The following SCUBE1 variants were observed in gnomAD, a reference collection of about 807,000 sequenced individuals.
The protein encoded by SCUBE1 is signal peptide, CUB and EGF-like domain-containing protein 1.
Under a neutral mutation model 124.4 loss-of-function variants are expected in SCUBE1, and 59 were observed. That is an observed-to-expected ratio of 0.47 (90% CI 0.38 to 0.59). The LOEUF is 0.59. Among genes scored for constraint, SCUBE1 ranks in the 20% least tolerant of loss-of-function variants. SCUBE1 has a pLI of 0.00. For missense variants in SCUBE1, 1,150 were observed against 1,371.2 expected (o/e 0.84, Z 2.55); for synonymous variants, 545 against 550.9 (o/e 0.99, Z 0.15).
chr22:43,227,237 G>T, intron 10 of SCUBE1, 137 bp downstream of exon 10: 1 of 1,039,692 alleles, frequency 9.6e-7, no homozygotes, highest in Non-Finnish European at 1.4e-6. Flanking sequence ...CAACAGCAGA[G>T]AACCTCTGCC....
At chr22:43,278,865 C>T (rs1250038803) in intron 4 of SCUBE1, among the ~76,000 whole-genome samples, 1 of 152,196 alleles carries the variant, frequency 6.6e-6, no homozygotes, top group African/African-American at 2.4e-5. Flanking sequence ...CACAGCAAAG[C>T]TCCAGGAGGG....
chr22:43,273,334 C>G (rs1022961839), intron 4 of SCUBE1, among the ~76,000 whole-genome samples: 4 of 152,150 alleles, frequency 2.6e-5, no homozygotes, highest in African/African-American at 4.8e-5. Flanking sequence ...GCACCGGGAA[C>G]CCCTAGAAAG....
At chr22:43,245,260 AG>A (rs1294334306) in intron 6 of SCUBE1, among the ~76,000 whole-genome samples, 2 of 152,200 alleles carry the variant, frequency 1.3e-5, no homozygotes, top group Non-Finnish European at 2.9e-5. Flanking sequence ...GACAGTCAGC[AG>A]GGTGTGGTGG....
intron 3 of SCUBE1, among the ~76,000 whole-genome samples, chr22:43,310,136 G>A (rs967873935): frequency 2.0e-5 from 3 of 152,042 alleles, no homozygotes; most frequent in Non-Finnish European, 4.4e-5. Context: ...CCGCCTCGTT[G>A]CCTCATCTCC....
chr22:43,286,425 G>A (rs1267999864), intron 4 of SCUBE1, among the ~76,000 whole-genome samples: 3 of 152,338 alleles, frequency 2.0e-5, no homozygotes, highest in East Asian at 1.9e-4. Context: ...GCCCACAGGC[G>A]GCGTCTGATG....
chr22:43,226,108 CTG>C (rs1922291626), intron 10 of SCUBE1, among the ~76,000 whole-genome samples: 2 of 152,256 alleles, frequency 1.3e-5, no homozygotes, highest in African/African-American at 4.8e-5. Context: ...TACTCTGTGT[CTG>C]TGATTGTCAG....
At chr22:43,225,007 A>G (rs935682283) in intron 10 of SCUBE1, among the ~76,000 whole-genome samples, 12 of 152,210 alleles carry the variant, frequency 7.9e-5, no homozygotes, top group African/African-American at 2.4e-4. Flanking sequence ...CTTCTGACAC[A>G]TCAAAACTAA....
In SCUBE1 at chr22:43,211,520, CT is replaced by C. The variant is rs35852531; in HGVS notation, c.2222-438del. Among the ~76,000 whole-genome samples, 351 of 136,882 alleles carry C rather than the reference CT, an allele frequency of 2.6e-3. No individual in the cohort carries two copies. The highest frequency in any genetic ancestry group is 2.9e-3 in the African/African-American group (105 of 36,338). 89.8% of individuals were successfully genotyped at this position (136,882 alleles called of 152,430 possible). A position where few individuals can be genotyped will look rare whatever the true frequency, so the allele number is the denominator to read the frequency against. ...GGCGGGGGGCTAGAGATGGGCAATT[CT>C]TTTTTTTTTTTTTTGAGATGGAGCT... On this transcript the variant is annotated intron_variant, in intron 17 of 21. Coordinates refer to ENST00000360835, the MANE Select transcript of SCUBE1 (RefSeq NM_173050.5). The surrounding 1 kb of genome is among the most constrained non-coding windows in gnomAD (Gnocchi z 4.5).
At chr22:43,218,156 C>G (rs751908189) in intron 15 of SCUBE1, 99 bp downstream of exon 15, 3 of 1,141,838 alleles carry the variant, frequency 2.6e-6, no homozygotes, top group Non-Finnish European at 3.9e-6. Context: ...GTCCCCTCCC[C>G]AGGTGTCTGT....
rs201515546 is a variant in SCUBE1 at position 43,319,958 on chromosome 22, G to C, written c.328C>G (p.His110Asp). ...CTCFDGFMLA[H>D]DGHNCLDVDE... ...TCACCCAGGCAGTTGTGTCCATCGT[G>C]TGCCAGCATGAAGCCATCAAAGCAG... Residue 110 changes from histidine (H) to aspartate (D), a missense_variant, in exon 3 of 22, where the codon CAC becomes GAC. His to Asp is a moderately conservative substitution (Grantham distance 81). This residue lies in a region of SCUBE1 where 337 missense variants were observed against 482.1 expected (regional missense o/e 0.70). Transcript: ENST00000360835. 262 of 1,614,046 alleles carry C rather than the reference G, an allele frequency of 1.6e-4. No individual in the cohort carries two copies. Among genetic ancestry groups the C allele is most frequent in the Non-Finnish European group, 2.2e-4 (255 of 1,180,020 alleles).
chr22:43,225,998 G>A (rs181598100), intron 10 of SCUBE1, among the ~76,000 whole-genome samples: 46 of 152,326 alleles, frequency 3.0e-4, no homozygotes, highest in African/African-American at 1.0e-3. Flanking sequence ...TGCCTGAAAA[G>A]CACAGCAAGT....
chr22:43,315,582 G>C (rs1173422987), intron 3 of SCUBE1, among the ~76,000 whole-genome samples: 2 of 152,200 alleles, frequency 1.3e-5, no homozygotes, highest in Non-Finnish European at 2.9e-5. Flanking sequence ...GGCTTCTCTA[G>C]AGCTGGAGTT....
chr22:43,318,709 C>T (rs1430018490), intron 3 of SCUBE1, among the ~76,000 whole-genome samples: 3 of 152,084 alleles, frequency 2.0e-5, no homozygotes, highest in Admixed American at 2.0e-4. Context: ...TTTGATTCAG[C>T]AAATGTGGAC....
intron 3 of SCUBE1, among the ~76,000 whole-genome samples, chr22:43,317,372 G>C (rs925026509): frequency 3.3e-5 from 5 of 152,188 alleles, no homozygotes; most frequent in African/African-American, 1.2e-4. Context: ...GGAGAAGACT[G>C]AGGCTCAGAC....
At chr22:43,328,293 G>A (rs527768891) in intron 2 of SCUBE1, among the ~76,000 whole-genome samples, 24 of 152,322 alleles carry the variant, frequency 1.6e-4, no homozygotes, top group Middle Eastern at 3.4e-3. Flanking sequence ...GAAGCCAGGA[G>A]AGACCACAGG....
intron 3 of SCUBE1, among the ~76,000 whole-genome samples, chr22:43,301,963 G>A (rs921713957): frequency 2.0e-5 from 3 of 152,228 alleles, no homozygotes; most frequent in African/African-American, 7.2e-5. Flanking sequence ...CAGAGGGGCT[G>A]CCATGAGGCC....
intron 6 of SCUBE1, among the ~76,000 whole-genome samples, chr22:43,246,703 A>T (rs115418718): frequency 1.2e-3 from 188 of 152,342 alleles, no homozygotes; most frequent in African/African-American, 4.2e-3. Context: ...GCTGCTCAAC[A>T]GAGGGAAGCC....
chr22:43,325,283 A>G (rs1894715), intron 2 of SCUBE1, among the ~76,000 whole-genome samples: 100,315 of 151,372 alleles, frequency 0.66, 34,180 homozygotes, highest in African/African-American at 0.83. Flanking sequence ...TTAAAAAAGT[A>G]CTTCATGCTC....
chr22:43,222,963 G>C, intron 11 of SCUBE1, 134 bp downstream of exon 11: 1 of 1,284,544 alleles, frequency 7.8e-7, no homozygotes, highest in Non-Finnish European at 1.1e-6. Context: ...AGCTGCCTTA[G>C]GGTCACTCAG....
Sources: gnomAD v4.1 joint callset for allele counts (sites outside exome capture counted in the v4.1 genomes callset) on GRCh38, gnomAD v4.1.1 for gene constraint, gnomAD v4.1.1 regional missense constraint, Gnocchi (gnomAD v3.1) non-coding constraint, MANE v1.5 for transcripts, NCBI Gene and HGNC (gene_info 2026-07-23, HGNC 2026-07-21) for gene names.